Variants in IMPA1 observed in about 807,000 individuals in gnomAD.
The protein encoded by IMPA1 is D-galactose 1-phosphate phosphatase.
A neutral mutation model predicts 34.9 loss-of-function variants in IMPA1; 21 were observed. That is an observed-to-expected ratio of 0.60 (90% CI 0.43 to 0.87). The LOEUF (loss-of-function observed/expected upper bound fraction) is 0.87, where lower values mean the gene tolerates loss of function less well. Among genes scored for constraint, IMPA1 ranks in the 40% least tolerant of loss-of-function variants. The probability of loss-of-function intolerance (pLI) is 0.00; values close to 1 mark genes in which losing one functional copy is unlikely to be tolerated. For missense variants in IMPA1, 299 were observed against 336.4 expected, an observed-to-expected ratio of 0.89 and a Z score of 0.87; for synonymous variants, 95 against 104.4, an observed-to-expected ratio of 0.91 and a Z score of 0.55.
intron 1 of IMPA1, among the ~76,000 whole-genome samples, chr8:81,684,810 T>C (rs1807444438): frequency 7.0e-6 from 1 of 142,202 alleles, no homozygotes; most frequent in Non-Finnish European, 1.5e-5. Context: ...AGATACTATG[T>C]GGAGTATATA....
chr8:81,670,953 G>A lies in IMPA1; in HGVS notation c.552C>T (p.Cys184=), dbSNP rs755079940. ...MVLSNMEKLF[C]IPVHGIRSVG... is the part of the protein sequence containing the mutation. The stretch of plus-strand genomic sequence containing the variant: ...AAAGAGCTTACCCATGAACAGGAAT[G>A]CAAAAAAGCTTTTCCATATTAGAAA... Residue 184 remains cysteine (C), a synonymous_variant, in exon 7 of 9, where the codon TGC becomes TGT. Transcript: ENST00000256108. The A allele has an allele frequency of 1.3e-6, 2 of 1,521,020 alleles. No homozygotes were observed. The highest frequency in any genetic ancestry group is 5.0e-5 in the East Asian group (2 of 40,226). The allele number at this position is 1,521,020 out of a possible 1,614,324, so 94.2% of individuals were successfully genotyped here. A position where few individuals can be genotyped will look rare whatever the true frequency, so the allele number is the denominator to read the frequency against.
At chr8:81,684,881 GTATAGTATATA>G (rs1807448968) in intron 1 of IMPA1, among the ~76,000 whole-genome samples, 1 of 131,248 alleles carries the variant, frequency 7.6e-6, no homozygotes, top group African/African-American at 2.9e-5. Context: ...TAGATACTAT[GTATAGTATATA>G]TACTATACAT....
chr8:81,674,924 A>G (rs1807088481), intron 5 of IMPA1: 1 of 427,380 alleles, frequency 2.3e-6, no homozygotes, highest in Non-Finnish European at 4.7e-6. Flanking sequence ...AATCTCAAAA[A>G]CACTTTCCAA....
chr8:81,686,178 G>A (rs1807520470), intron 1 of IMPA1, 74 bp downstream of exon 1: 1 of 959,164 alleles, frequency 1.0e-6, no homozygotes, highest in Non-Finnish European at 1.3e-6. Context: ...CTCCTGAGGA[G>A]GGAAGGGGCC....
At chr8:81,675,083 T>G (rs1171029944) in intron 5 of IMPA1, among the ~76,000 whole-genome samples, 1 of 152,188 alleles carries the variant, frequency 6.6e-6, no homozygotes, top group East Asian at 1.9e-4. Context: ...TAAATTTTCT[T>G]GCATGGACTG....
At position 81,680,752 on chromosome 8, in the gene IMPA1, T is replaced by C. The variant is rs574730302; in HGVS notation, c.95A>G (p.Asn32Ser). 2.5e-6 allele frequency: 4 copies of C among 1,608,712 alleles called. No homozygotes were observed. Among genetic ancestry groups the C allele is most frequent in the Non-Finnish European group, 2.6e-6 (3 of 1,175,626 alleles). Residue 32 changes from asparagine (N) to serine (S), a missense_variant, in exon 3 of 9, where the codon AAT becomes AGT. Coordinates refer to ENST00000256108, the MANE Select transcript of IMPA1 (RefSeq NM_005536.4). ...AACTGGAGAACTTTTCAGCATAACATTCATTTCATTTTTTATAGCTTCACA... is the reference window on the plus strand; with the variant it reads ...AACTGGAGAACTTTTCAGCATAACACTCATTTCATTTTTTATAGCTTCACA... ...VVCEAIKNEMNVMLKSSPVDL... is the reference protein window; with the variant it reads ...VVCEAIKNEMSVMLKSSPVDL...
At chr8:81,667,355 G>C (rs1806858035) in intron 7 of IMPA1, among the ~76,000 whole-genome samples, 1 of 152,150 alleles carries the variant, frequency 6.6e-6, no homozygotes, top group Non-Finnish European at 1.5e-5. Context: ...TGCTATGGTT[G>C]AATGTTTGTC....
chr8:81,672,307 T>A (rs1807009650), intron 6 of IMPA1, among the ~76,000 whole-genome samples: 1 of 152,184 alleles, frequency 6.6e-6, no homozygotes, highest in African/African-American at 2.4e-5. Flanking sequence ...AAAGAAAAGT[T>A]TTAATCTGCA....
In IMPA1 at chr8:81,661,927, G is replaced by A. The variant is rs1806687229; in HGVS notation, c.567-1260C>T. Among the ~76,000 whole-genome samples the A allele has an allele frequency of 2.0e-5, 3 of 152,154 alleles. No homozygotes were observed. In the South Asian group the frequency reaches 6.2e-4, roughly 32 times the overall value. ...AATAAGGGAGTGAGTTCTGTTCAAT[G>A]AGATCTTTCACAGTTTATTTATTTA... On this transcript the variant is annotated intron_variant, in intron 7 of 8. Transcript: ENST00000256108.
At chr8:81,673,428 T>C (rs1422501379) in intron 6 of IMPA1, among the ~76,000 whole-genome samples, 1 of 152,218 alleles carries the variant, frequency 6.6e-6, no homozygotes, top group Admixed American at 6.5e-5. Flanking sequence ...CACATATTGA[T>C]GTTTCACGAC....
intron 7 of IMPA1, among the ~76,000 whole-genome samples, chr8:81,666,151 G>A (rs1806813554): frequency 1.3e-5 from 2 of 152,186 alleles, no homozygotes; most frequent in Admixed American, 1.3e-4. Context: ...AAAGGGGAAT[G>A]GGAGACTTAC....
intron 5 of IMPA1, chr8:81,674,947 C>T: frequency 2.4e-6 from 1 of 410,326 alleles, no homozygotes; most frequent in South Asian, 1.8e-5. Context: ...TTGGCATTTC[C>T]TTGGCTATTC....
At chr8:81,682,511 A>G (rs1253512860) in intron 1 of IMPA1, among the ~76,000 whole-genome samples, 2 of 152,316 alleles carry the variant, frequency 1.3e-5, no homozygotes, top group African/African-American at 2.4e-5. Flanking sequence ...CCCACACGCT[A>G]AATTTCTTCC....
chr8:81,681,624 A>G (rs1317498923), intron 1 of IMPA1, 40 bp from the exon 2 acceptor site: 2 of 1,147,404 alleles, frequency 1.7e-6, no homozygotes, highest in Non-Finnish European at 2.6e-6. Context: ...AGTCTTAATT[A>G]TAGAATAGTT....
At chr8:81,667,167 G>C (rs910682467) in intron 7 of IMPA1, among the ~76,000 whole-genome samples, 1 of 152,070 alleles carries the variant, frequency 6.6e-6, no homozygotes, top group Non-Finnish European at 1.5e-5. Context: ...GCTATATACT[G>C]AATGTCATAC....
At position 81,659,121 on chromosome 8, in the gene IMPA1, G is replaced by C. The variant is rs1390562480; in HGVS notation, c.*230C>G. The C allele has an allele frequency of 1.9e-6, 1 of 514,924 alleles. No homozygotes were observed. Among genetic ancestry groups the C allele is most frequent in the Admixed American group, 3.8e-5 (1 of 26,628 alleles). The allele number at this position is 514,924 out of a possible 1,614,324, so 31.9% of individuals were successfully genotyped here. A position where few individuals can be genotyped will look rare whatever the true frequency, so the allele number is the denominator to read the frequency against. On this transcript the variant is annotated 3_prime_UTR_variant, in exon 9 of 9. Transcript: ENST00000256108. ...TATATTTATCAACTGTACTTCCTGG[G>C]TATGTTTCCTAAAGTACATTCTTAC... is the stretch of plus-strand genomic sequence containing the variant.
chr8:81,659,126 T>C lies in IMPA1; in HGVS notation c.*225A>G. 1.9e-6 allele frequency: 1 copy of C among 525,218 alleles called. No homozygotes were observed. 32.5% of individuals were successfully genotyped at this position (525,218 alleles called of 1,614,324 possible). ...TTATCAACTGTACTTCCTGGGTATGTTTCCTAAAGTACATTCTTACATGCA... is the reference window on the plus strand; with the variant it reads ...TTATCAACTGTACTTCCTGGGTATGCTTCCTAAAGTACATTCTTACATGCA... On this transcript the variant is annotated 3_prime_UTR_variant, in exon 9 of 9. Coordinates refer to ENST00000256108, the MANE Select transcript of IMPA1 (RefSeq NM_005536.4).
chr8:81,672,279 A>G (rs1807009088), intron 6 of IMPA1, among the ~76,000 whole-genome samples: 1 of 152,234 alleles, frequency 6.6e-6, no homozygotes, highest in South Asian at 2.1e-4. Context: ...CAAAACCTCA[A>G]TAAGCTGTGA....
chr8:81,671,457 G>A (rs934413464), intron 6 of IMPA1, among the ~76,000 whole-genome samples: 1 of 152,224 alleles, frequency 6.6e-6, no homozygotes, highest in Admixed American at 6.5e-5. Flanking sequence ...CCATTTACAA[G>A]GCTGACAGGT....
Sources: allele counts gnomAD v4.1 joint callset (sites outside exome capture counted in the v4.1 genomes callset), GRCh38; gene constraint gnomAD v4.1.1; transcripts MANE v1.5; gene names NCBI Gene and HGNC (gene_info 2026-07-23, HGNC 2026-07-21).